XXYLT1: variants seen among roughly 807,000 people sequenced by gnomAD.
XXYLT1 encodes the protein UDP-xylose:alpha-xyloside alpha-1,3-xylosyltransferase.
XXYLT1 carries 20 observed loss-of-function variants against 28.9 expected under a neutral mutation model. The ratio of observed to expected loss-of-function variants is 0.69; its 90% CI spans 0.49 to 1.00. The LOEUF (loss-of-function observed/expected upper bound fraction) is 1.00. XXYLT1 is among the 50% of genes least tolerant of loss of function. XXYLT1 has a pLI of 0.00. For missense variants in XXYLT1, 542 were observed against 560.1 expected (o/e 0.97, Z 0.33); for synonymous variants, 257 against 253.8 (o/e 1.01, Z -0.12).
At chr3:195,101,986 G>A (rs1302285672) in intron 3 of XXYLT1, among the ~76,000 whole-genome samples, 2 of 113,632 alleles carry the variant, frequency 1.8e-5, no homozygotes, top group East Asian at 5.3e-4. Context: ...GGAGGGATGC[G>A]GGGAGGGAGG....
chr3:195,148,117 TCACAATGACAGCAA>T (rs1719966842), intron 3 of XXYLT1: 1 of 152,210 alleles, frequency 6.6e-6, no homozygotes, highest in Admixed American at 6.5e-5. Flanking sequence ...TAAGAGACGG[TCACAATGACAGCAA>T]CACAATCCCG....
chr3:195,270,372 G>T (rs567228665), intron 1 of XXYLT1, 183 bp downstream of exon 1: 14 of 946,774 alleles, frequency 1.5e-5, no homozygotes, highest in Non-Finnish European at 1.8e-5. Flanking sequence ...AGCTGAGGGC[G>T]TCTGGCTCCC....
intron 1 of XXYLT1, among the ~76,000 whole-genome samples, chr3:195,252,000 C>A (rs1259822394): frequency 6.6e-6 from 1 of 152,176 alleles, no homozygotes; most frequent in African/African-American, 2.4e-5. Context: ...AACGGAGGTC[C>A]ACCCACAATA....
intron 2 of XXYLT1, among the ~76,000 whole-genome samples, chr3:195,206,736 A>T (rs573794079): frequency 6.6e-6 from 1 of 152,178 alleles, no homozygotes; most frequent in South Asian, 2.1e-4. Context: ...ATTGCACTCC[A>T]GCCTGGGTGA....
At chr3:195,184,523 G>C in intron 2 of XXYLT1, 1 of 760,908 alleles carries the variant, frequency 1.3e-6, no homozygotes, top group Non-Finnish European at 1.6e-6. Flanking sequence ...CCATACCTCA[G>C]ACTATCTTAA....
intron 2 of XXYLT1, among the ~76,000 whole-genome samples, chr3:195,165,763 G>A (rs779575598): frequency 2.6e-5 from 4 of 151,988 alleles, no homozygotes; most frequent in Admixed American, 1.3e-4. Flanking sequence ...AAAGATGGAC[G>A]ATCTATCATC....
intron 3 of XXYLT1, among the ~76,000 whole-genome samples, chr3:195,101,384 G>A (rs747046457): frequency 9.2e-5 from 14 of 152,136 alleles, no homozygotes; most frequent in Non-Finnish European, 1.8e-4. Flanking sequence ...TTACTCTCAG[G>A]GCATCATGAT....
chr3:195,174,027 G>A (rs1721539615), intron 2 of XXYLT1, among the ~76,000 whole-genome samples: 1 of 152,228 alleles, frequency 6.6e-6, no homozygotes, highest in South Asian at 2.1e-4. Flanking sequence ...AAGGCAGAAG[G>A]AGGACACCAG....
At chr3:195,151,624 CAATT>C (rs1465532262) in intron 3 of XXYLT1, among the ~76,000 whole-genome samples, 3 of 151,506 alleles carry the variant, frequency 2.0e-5, no homozygotes, top group Non-Finnish European at 2.9e-5. Flanking sequence ...AAACAATAAA[CAATT>C]ATTTAGTATA....
At chr3:195,264,505 C>G (rs1725782274) in intron 1 of XXYLT1, among the ~76,000 whole-genome samples, 1 of 151,978 alleles carries the variant, frequency 6.6e-6, no homozygotes, top group African/African-American at 2.4e-5. Context: ...CGAACAACTC[C>G]CCACACTGAC....
chr3:195,158,533 G>A (rs1267576716), intron 2 of XXYLT1, among the ~76,000 whole-genome samples: 1 of 152,228 alleles, frequency 6.6e-6, no homozygotes, highest in East Asian at 1.9e-4. Flanking sequence ...CTGCTTCGAT[G>A]TTATTTACAA....
intron 3 of XXYLT1, among the ~76,000 whole-genome samples, chr3:195,093,177 T>C (rs1231718704): frequency 8.0e-5 from 7 of 87,100 alleles, no homozygotes; most frequent in Non-Finnish European, 1.4e-4. Context: ...ATCCCATTAC[T>C]GGGTATATAC....
chr3:195,156,916 T>C lies in XXYLT1; in HGVS notation c.653-335A>G, dbSNP rs376154045. Among the ~76,000 whole-genome samples the C allele has an allele frequency of 7.0e-4, 107 of 152,266 alleles. 5 individuals carry two copies. The highest frequency in any genetic ancestry group is 2.5e-3 in the African/African-American group (102 of 41,530). ...CACTCTCAAAAGTATCTCATTTGGATGATACCTTATGTGGACACCCTGCTT... is the reference window on the plus strand; with the variant it reads ...CACTCTCAAAAGTATCTCATTTGGACGATACCTTATGTGGACACCCTGCTT... On this transcript the variant is annotated intron_variant, in intron 2 of 3. Coordinates refer to ENST00000310380, the MANE Select transcript of XXYLT1 (RefSeq NM_152531.5).
intron 1 of XXYLT1, among the ~76,000 whole-genome samples, chr3:195,238,256 C>T: frequency 6.6e-6 from 1 of 152,166 alleles, no homozygotes; most frequent in Non-Finnish European, 1.5e-5. Flanking sequence ...GCTCTTCCCA[C>T]CGTCTGTAAT....
intron 2 of XXYLT1, among the ~76,000 whole-genome samples, chr3:195,188,927 C>T (rs1451015770): frequency 6.6e-6 from 1 of 152,190 alleles, no homozygotes; most frequent in African/African-American, 2.4e-5. Context: ...GGTTTAAGCT[C>T]GGCGCTAGCT....
chr3:195,098,647 G>A (rs1481425643), intron 3 of XXYLT1, among the ~76,000 whole-genome samples: 2 of 152,212 alleles, frequency 1.3e-5, no homozygotes, highest in Non-Finnish European at 2.9e-5. Context: ...GTGAAGCCAC[G>A]GGCCTTGATG....
At chr3:195,182,601 T>C (rs1413667988) in intron 2 of XXYLT1, among the ~76,000 whole-genome samples, 1 of 152,134 alleles carries the variant, frequency 6.6e-6, no homozygotes, top group Non-Finnish European at 1.5e-5. Flanking sequence ...ATCCTGCTTG[T>C]TTTTCATTCT....
chr3:195,144,619 GC>G (rs1719735910), intron 3 of XXYLT1, among the ~76,000 whole-genome samples: 1 of 151,546 alleles, frequency 6.6e-6, no homozygotes, highest in African/African-American at 2.4e-5. Flanking sequence ...CCCGTGATCC[GC>G]CCGCCTCAGC....
chr3:195,138,484 G>T (rs1165055073), intron 3 of XXYLT1, among the ~76,000 whole-genome samples: 3 of 152,188 alleles, frequency 2.0e-5, no homozygotes, highest in Non-Finnish European at 2.9e-5. Flanking sequence ...CCACAGCTGG[G>T]TGCAGGCGGC....
Sources: gnomAD v4.1 joint callset for allele counts (sites outside exome capture counted in the v4.1 genomes callset) on GRCh38, gnomAD v4.1.1 for gene constraint, MANE v1.5 for transcripts, NCBI Gene and HGNC (gene_info 2026-07-23, HGNC 2026-07-21) for gene names.